Variants in ANKS1B observed in about 807,000 individuals in gnomAD.
ANKS1B encodes ankyrin repeat and sterile alpha motif domain-containing protein 1B.
A neutral mutation model predicts 148.3 loss-of-function variants in ANKS1B; 36 were observed. That is an observed-to-expected ratio of 0.24 (90% CI 0.19 to 0.32). ANKS1B has a LOEUF of 0.32. Ranked by LOEUF, ANKS1B falls within the 10% of genes least tolerant of loss-of-function variation. ANKS1B has a pLI of 1.00. For synonymous variants in ANKS1B, 542 were observed against 560.8 expected (o/e 0.97, Z 0.47); for missense variants, 1,157 against 1,542.6 (o/e 0.75, Z 4.19).
At chr12:99,371,587 T>C (rs2093138203) in intron 12 of ANKS1B, among the ~76,000 whole-genome samples, 1 of 151,836 alleles carries the variant, frequency 6.6e-6, no homozygotes, top group African/African-American at 2.4e-5. Context: ...CACATATACA[T>C]ACTGAGAGAG....
Position 98,744,665 on chromosome 12 carries a change from C to CTT in ANKS1B, c.*1072_*1073dup, listed in dbSNP as rs549961090. On this transcript the variant is annotated 3_prime_UTR_variant, in exon 27 of 27. Coordinates refer to ENST00000683438, the MANE Select transcript of ANKS1B (RefSeq NM_001352186.2). ...GTTTGTCTCAAGAAAAGTTTTATTA[C>CTT]TTTGGAATTTCTTCTTTTTTTTTTT... 426 of 929,868 alleles carry CTT rather than the reference C, an allele frequency of 4.6e-4. 7 individuals are homozygous for CTT. The South Asian group carries it at 0.018, about 40-fold the overall frequency. The allele number at this position is 929,868 out of a possible 1,614,324, so 57.6% of individuals were successfully genotyped here.
chr12:99,554,481 A>G (rs2097256170), intron 9 of ANKS1B, among the ~76,000 whole-genome samples: 1 of 152,164 alleles, frequency 6.6e-6, no homozygotes. Flanking sequence ...GTCATTAGCT[A>G]AATCATCCTG....
intron 1 of ANKS1B, among the ~76,000 whole-genome samples, chr12:99,889,834 A>G (rs2093005377): frequency 1.3e-5 from 2 of 152,238 alleles, no homozygotes; most frequent in African/African-American, 4.8e-5. Context: ...CCTAAATATT[A>G]GGCTGGAATC....
intron 8 of ANKS1B, among the ~76,000 whole-genome samples, chr12:99,664,982 C>T (rs1483946260): frequency 6.6e-6 from 1 of 152,070 alleles, no homozygotes; most frequent in Admixed American, 6.5e-5. Flanking sequence ...AGTAATATTC[C>T]ATTGTATGGC....
chr12:99,881,074 G>A (rs1441635663), intron 1 of ANKS1B, among the ~76,000 whole-genome samples: 2 of 152,172 alleles, frequency 1.3e-5, no homozygotes, highest in Non-Finnish European at 2.9e-5. Flanking sequence ...TATCAGCAGT[G>A]CGTTTCTTGT....
At chr12:98,947,463 A>C (rs1368988280) in intron 17 of ANKS1B, among the ~76,000 whole-genome samples, 1 of 152,190 alleles carries the variant, frequency 6.6e-6, no homozygotes, top group East Asian at 1.9e-4. Context: ...AAAAGCAAGG[A>C]GTCAAGGATG....
intron 9 of ANKS1B, among the ~76,000 whole-genome samples, chr12:99,622,635 T>C (rs1245400726): frequency 2.0e-5 from 3 of 151,892 alleles, no homozygotes; most frequent in Non-Finnish European, 2.9e-5. Flanking sequence ...GCACATAAAC[T>C]AGAAAATCTA....
intron 12 of ANKS1B, among the ~76,000 whole-genome samples, chr12:99,316,532 T>A (rs992082970): frequency 6.6e-6 from 1 of 152,226 alleles, no homozygotes; most frequent in East Asian, 1.9e-4. Context: ...GATTTTTTCT[T>A]GTAAATTTTT....
At chr12:99,378,635 G>A (rs1407173037) in intron 12 of ANKS1B, among the ~76,000 whole-genome samples, 4 of 142,128 alleles carry the variant, frequency 2.8e-5, no homozygotes, top group South Asian at 2.3e-4. Context: ...GCCTGGCAAC[G>A]GAGTGAGACT....
At chr12:99,046,780 C>G (rs1455859437) in intron 17 of ANKS1B, among the ~76,000 whole-genome samples, 1 of 145,004 alleles carries the variant, frequency 6.9e-6, no homozygotes, top group Non-Finnish European at 1.5e-5. Context: ...TGCACTCCAG[C>G]CTGGGCAACA....
chr12:99,003,512 G>A (rs1226409534), intron 17 of ANKS1B, among the ~76,000 whole-genome samples: 4 of 152,158 alleles, frequency 2.6e-5, no homozygotes, highest in Non-Finnish European at 4.4e-5. Flanking sequence ...AAGATTGGCT[G>A]CTGGGCTTCT....
At chr12:98,794,962 G>A (rs1468386455) in intron 22 of ANKS1B, 4 of 1,155,830 alleles carry the variant, frequency 3.5e-6, no homozygotes, top group Non-Finnish European at 1.3e-6. Flanking sequence ...CATGGAAGAT[G>A]CTTCTTAAAA....
intron 8 of ANKS1B, among the ~76,000 whole-genome samples, chr12:99,765,378 G>T (rs2153612728): frequency 6.6e-6 from 1 of 152,212 alleles, no homozygotes; most frequent in South Asian, 2.1e-4. Context: ...ACATCTCACT[G>T]CTGGTTCACG....
chr12:99,662,534 T>C (rs2098482784), intron 8 of ANKS1B, among the ~76,000 whole-genome samples: 1 of 152,238 alleles, frequency 6.6e-6, no homozygotes, highest in Non-Finnish European at 1.5e-5. Context: ...CCCTCATAGA[T>C]GTTTTATTAG....
At chr12:99,027,565 T>G (rs1200916097) in intron 17 of ANKS1B, among the ~76,000 whole-genome samples, 2 of 152,254 alleles carry the variant, frequency 1.3e-5, no homozygotes, top group Non-Finnish European at 2.9e-5. Flanking sequence ...TATACTGCTT[T>G]CTTTAATAGA....
intron 8 of ANKS1B, among the ~76,000 whole-genome samples, chr12:99,670,171 CTAAA>C (rs749660645): frequency 3.0e-4 from 46 of 152,236 alleles, no homozygotes; most frequent in Middle Eastern, 6.8e-3. Context: ...TTCTTACCGG[CTAAA>C]TAATCCCATT....
intron 10 of ANKS1B, among the ~76,000 whole-genome samples, chr12:99,488,709 T>A (rs1033638598): frequency 6.6e-6 from 1 of 152,186 alleles, no homozygotes; most frequent in Non-Finnish European, 1.5e-5. Context: ...CTGGACCAAG[T>A]CACGAGCTGG....
chr12:99,332,773 T>C (rs761626422), intron 12 of ANKS1B, among the ~76,000 whole-genome samples: 1 of 148,544 alleles, frequency 6.7e-6, no homozygotes, highest in Non-Finnish European at 1.5e-5. Context: ...GAAAGAAGGG[T>C]GTACAAGGGA....
Position 99,463,362 on chromosome 12 carries a change from C to T in ANKS1B, c.1439-19553G>A, listed in dbSNP as rs370618250. ...GGTCTACAGCTCCCAGCATGAGTGA[C>T]GCAGAAGACGGGTGATTTCTGCATT... On this transcript the variant is annotated intron_variant, in intron 10 of 26. Coordinates refer to ENST00000683438, the MANE Select transcript of ANKS1B (RefSeq NM_001352186.2). Among the ~76,000 whole-genome samples, 13 of 152,270 alleles carry T rather than the reference C, an allele frequency of 8.5e-5. No individual in the cohort carries two copies. The South Asian group carries it at 1.5e-3, about 17-fold the overall frequency.
Sources: allele counts gnomAD v4.1 joint callset (sites outside exome capture counted in the v4.1 genomes callset), GRCh38; gene constraint gnomAD v4.1.1; transcripts MANE v1.5; gene names NCBI Gene and HGNC (gene_info 2026-07-23, HGNC 2026-07-21).